Variants in PABPC4L observed in about 807,000 individuals in gnomAD.
PABPC4L encodes the protein polyadenylate-binding protein 4-like.
For missense variants in PABPC4L, 452 were observed against 451.4 expected, an observed-to-expected ratio of 1.00 and a Z score of -0.01; for synonymous variants, 169 against 164.1, an observed-to-expected ratio of 1.03 and a Z score of -0.23.
the PABPC4L span, among the ~76,000 whole-genome samples, chr4:134,095,874 G>A: frequency 6.6e-6 from 1 of 151,930 alleles, no homozygotes; most frequent in Admixed American, 6.6e-5. Flanking sequence ...TTGCTCAAAA[G>A]TTGCACCCTG....
the PABPC4L span, among the ~76,000 whole-genome samples, chr4:134,112,579 T>G: frequency 3.6e-5 from 5 of 140,512 alleles, no homozygotes; most frequent in Admixed American, 3.5e-4. Context: ...ACTATCTATC[T>G]ATCTATCTAT....
the PABPC4L span, among the ~76,000 whole-genome samples, chr4:134,159,112 G>A: frequency 6.6e-6 from 1 of 152,176 alleles, no homozygotes; most frequent in Admixed American, 6.6e-5. Flanking sequence ...GGGCAACTCA[G>A]TGAGTGAGTG....
At chr4:134,085,076 G>A in the PABPC4L span, among the ~76,000 whole-genome samples, 544 of 152,026 alleles carry the variant, frequency 3.6e-3, 5 homozygotes, top group Non-Finnish European at 3.3e-3. Flanking sequence ...GGCTCCACCC[G>A]CTCCTCCTAG....
the PABPC4L span, among the ~76,000 whole-genome samples, chr4:134,112,691 ATATATG>A: frequency 6.6e-6 from 1 of 151,872 alleles, no homozygotes; most frequent in African/African-American, 2.4e-5. Flanking sequence ...AATGGTTAAC[ATATATG>A]TATATGTATG....
the PABPC4L span, among the ~76,000 whole-genome samples, chr4:134,150,058 A>G: frequency 6.8e-5 from 10 of 146,724 alleles, no homozygotes; most frequent in Admixed American, 3.4e-4. Flanking sequence ...TTATTCTTTT[A>G]TCATTTTTGG....
the PABPC4L span, among the ~76,000 whole-genome samples, chr4:134,106,662 G>T: frequency 6.6e-6 from 1 of 151,494 alleles, no homozygotes; most frequent in Admixed American, 6.6e-5. Flanking sequence ...GAAAAAATTG[G>T]AAAGGAACTT....
At chr4:134,005,142 A>G in the PABPC4L span, among the ~76,000 whole-genome samples, 3 of 151,918 alleles carry the variant, frequency 2.0e-5, no homozygotes, top group African/African-American at 7.2e-5. Flanking sequence ...GAGGTGATGG[A>G]TATGTTAATT....
the PABPC4L span, among the ~76,000 whole-genome samples, chr4:134,057,198 A>G: frequency 9.2e-5 from 14 of 152,142 alleles, no homozygotes; most frequent in East Asian, 2.7e-3. Context: ...CTCCAGTGAC[A>G]CTAATGTTAT....
At chr4:133,997,688 C>T in the PABPC4L span, among the ~76,000 whole-genome samples, 3 of 152,050 alleles carry the variant, frequency 2.0e-5, no homozygotes, top group Admixed American at 2.0e-4. Context: ...TTTCAACTCT[C>T]ATGGAATGAC....
the PABPC4L span, among the ~76,000 whole-genome samples, chr4:134,121,110 T>A: frequency 1.3e-5 from 2 of 151,248 alleles, no homozygotes; most frequent in African/African-American, 4.8e-5. Flanking sequence ...ATATGGTGAG[T>A]TCTTAATTTC....
At chr4:133,987,345 C>T in the PABPC4L span, among the ~76,000 whole-genome samples, 2 of 152,042 alleles carry the variant, frequency 1.3e-5, no homozygotes, top group Non-Finnish European at 1.5e-5. Flanking sequence ...GCTGTAAATT[C>T]AGGGCCAGAA....
At chr4:134,076,381 T>C in the PABPC4L span, among the ~76,000 whole-genome samples, 8 of 152,150 alleles carry the variant, frequency 5.3e-5, no homozygotes, top group African/African-American at 1.7e-4. Flanking sequence ...TCTGATCACA[T>C]TCCTTGGAGA....
At chr4:134,120,948 GC>G in the PABPC4L span, among the ~76,000 whole-genome samples, 1 of 150,876 alleles carries the variant, frequency 6.6e-6, no homozygotes. Flanking sequence ...TTTATTCTGA[GC>G]TTTTTCACAT....
At chr4:134,148,638 T>C in the PABPC4L span, among the ~76,000 whole-genome samples, 4 of 152,104 alleles carry the variant, frequency 2.6e-5, no homozygotes, top group African/African-American at 9.7e-5. Context: ...ATTTAAGATT[T>C]TGATTTAATG....
chr4:133,949,567 C>G, the PABPC4L span, among the ~76,000 whole-genome samples: 1 of 151,992 alleles, frequency 6.6e-6, no homozygotes, highest in Non-Finnish European at 1.5e-5. Context: ...TCCTATTAGC[C>G]CCTTTTACTT....
the PABPC4L span, among the ~76,000 whole-genome samples, chr4:134,004,999 C>A: frequency 7.8e-4 from 118 of 151,770 alleles, 1 homozygote; most frequent in Non-Finnish European, 1.3e-3. Flanking sequence ...CTAAAGGGCA[C>A]AAAGTTTCAA....
At chr4:134,057,596 C>G in the PABPC4L span, among the ~76,000 whole-genome samples, 1 of 152,052 alleles carries the variant, frequency 6.6e-6, no homozygotes, top group Admixed American at 6.6e-5. Flanking sequence ...TGCCTCCTGA[C>G]TCAGCCTTTT....
At chr4:134,016,673 C>T in the PABPC4L span, among the ~76,000 whole-genome samples, 2 of 152,146 alleles carry the variant, frequency 1.3e-5, no homozygotes, top group South Asian at 2.1e-4. Context: ...TCCAGCCTCA[C>T]AGGCCCATTC....
At chr4:134,103,923 A>T in the PABPC4L span, among the ~76,000 whole-genome samples, 5 of 151,456 alleles carry the variant, frequency 3.3e-5, no homozygotes, top group Non-Finnish European at 5.9e-5. Flanking sequence ...TTTTTAATCA[A>T]TTTTTTCCAC....
Sources: gnomAD v4.1 joint callset for allele counts (sites outside exome capture counted in the v4.1 genomes callset) on GRCh38, gnomAD v4.1.1 for gene constraint, MANE v1.5 for transcripts, NCBI Gene and HGNC (gene_info 2026-07-23, HGNC 2026-07-21) for gene names.